Variants in PRKCQ observed in about 807,000 individuals in gnomAD.
PRKCQ encodes the protein protein kinase C theta.
In PRKCQ, 41 loss-of-function variants were observed where a neutral mutation model predicts 91.2. The ratio of observed to expected loss-of-function variants is 0.45; its 90% CI spans 0.35 to 0.58. The LOEUF (loss-of-function observed/expected upper bound fraction) is 0.58. PRKCQ is among the 20% of genes least tolerant of loss of function. The pLI is 0.00. For missense variants in PRKCQ, 673 were observed against 896.5 expected (o/e 0.75, Z 3.18); for synonymous variants, 307 against 316.9 (o/e 0.97, Z 0.33).
chr10:6,509,770 C>T (rs7087802), intron 3 of PRKCQ, among the ~76,000 whole-genome samples: 59,589 of 152,108 alleles, frequency 0.39, 14,108 homozygotes, highest in Admixed American at 0.56. Flanking sequence ...AACTAAATTA[C>T]CTGGACATAT....
At chr10:6,479,950 T>C (rs1209681856) in intron 11 of PRKCQ, among the ~76,000 whole-genome samples, 5 of 151,482 alleles carry the variant, frequency 3.3e-5, no homozygotes, top group Non-Finnish European at 5.9e-5. Flanking sequence ...AGACTGTGTC[T>C]CAAAATAAAA....
At position 6,498,525 on chromosome 10, in the gene PRKCQ, C is replaced by G. The variant is rs138291602; in HGVS notation, c.413G>C (p.Gly138Ala). 783 of 1,614,058 alleles carry G rather than the reference C, an allele frequency of 4.9e-4. 3 individuals carry two copies. Among genetic ancestry groups the G allele is most frequent in the South Asian group, 4.0e-3 (368 of 91,078 alleles). Residue 138 changes from glycine (G) to alanine (A), a missense_variant, in exon 5 of 18, where the codon GGC becomes GCC. Physicochemically the swap from Gly to Ala is moderately conservative, Grantham distance 60. Coordinates refer to ENST00000263125, the MANE Select transcript of PRKCQ (RefSeq NM_006257.5). ...TKDMNEFETE[G>A]FFALHQRRGA... Reference sequence around the variant, plus strand: ...CCGGCGCTGATGCAAAGCAAAGAAGCCTTCCGTCTCAAATTCATTCATGTC... The same window carrying G: ...CCGGCGCTGATGCAAAGCAAAGAAGGCTTCCGTCTCAAATTCATTCATGTC...
the PRKCQ span, among the ~76,000 whole-genome samples, chr10:6,404,836 T>C: frequency 7.0e-6 from 1 of 142,224 alleles, no homozygotes; most frequent in African/African-American, 2.6e-5. Context: ...TCCTTCTTTC[T>C]TTCTTTCTTT....
chr10:6,415,927 A>G, the PRKCQ span, among the ~76,000 whole-genome samples: 1 of 151,806 alleles, frequency 6.6e-6, no homozygotes, highest in East Asian at 1.9e-4. Flanking sequence ...TTGTATTTTT[A>G]GTAGAGATGG....
At chr10:6,574,996 C>A (rs1564402039) in intron 1 of PRKCQ, among the ~76,000 whole-genome samples, 5 of 152,118 alleles carry the variant, frequency 3.3e-5, no homozygotes, top group Admixed American at 1.3e-4. Flanking sequence ...TATTTGTTCA[C>A]AACTTGGTAT....
intron 1 of PRKCQ, among the ~76,000 whole-genome samples, chr10:6,562,418 T>C (rs1017828812): frequency 1.3e-5 from 2 of 152,170 alleles, no homozygotes; most frequent in African/African-American, 4.8e-5. Flanking sequence ...CAGCAGAGAA[T>C]GCCTGGAGAA....
intron 15 of PRKCQ, among the ~76,000 whole-genome samples, chr10:6,445,372 C>A (rs1834226233): frequency 6.6e-6 from 1 of 152,118 alleles, no homozygotes; most frequent in Non-Finnish European, 1.5e-5. Flanking sequence ...TCAACAGCAG[C>A]ACAAGAGTTT....
At chr10:6,525,985 T>G (rs567115413) in intron 1 of PRKCQ, among the ~76,000 whole-genome samples, 3 of 152,336 alleles carry the variant, frequency 2.0e-5, no homozygotes, top group Non-Finnish European at 4.4e-5. Context: ...TGGTATTATT[T>G]TGGGAACTGA....
At chr10:6,454,556 T>C (rs1471588108) in intron 15 of PRKCQ, among the ~76,000 whole-genome samples, 3 of 151,706 alleles carry the variant, frequency 2.0e-5, no homozygotes, top group African/African-American at 4.8e-5. Flanking sequence ...AAGGGGAAAT[T>C]TGTATAATTC....
chr10:6,400,088 G>A, the PRKCQ span, among the ~76,000 whole-genome samples: 10 of 152,226 alleles, frequency 6.6e-5, no homozygotes, highest in Non-Finnish European at 1.3e-4. Flanking sequence ...GAGCAGGAAC[G>A]TGGCCAGATT....
intron 1 of PRKCQ, among the ~76,000 whole-genome samples, chr10:6,539,525 G>A (rs759550134): frequency 6.6e-6 from 1 of 151,982 alleles, no homozygotes; most frequent in Non-Finnish European, 1.5e-5. Flanking sequence ...ATTACCCCCA[G>A]ATGGGACCAT....
chr10:6,440,423 T>A (rs187764366), intron 16 of PRKCQ, among the ~76,000 whole-genome samples: 3 of 152,268 alleles, frequency 2.0e-5, no homozygotes, highest in East Asian at 3.9e-4. Flanking sequence ...CCTAGTAGAG[T>A]GCCTCATTGA....
the PRKCQ span, among the ~76,000 whole-genome samples, chr10:6,411,583 G>A: frequency 2.6e-5 from 4 of 152,306 alleles, no homozygotes; most frequent in Middle Eastern, 3.4e-3. Context: ...CCTTTAGACC[G>A]AACCCTGTTC....
chr10:6,413,514 G>C, the PRKCQ span, among the ~76,000 whole-genome samples: 2 of 138,854 alleles, frequency 1.4e-5, no homozygotes, highest in African/African-American at 5.5e-5. Context: ...ACACTAGGAA[G>C]CACTGGATTA....
rs551273258 is a variant in PRKCQ at position 6,428,996 on chromosome 10, A to T, written c.1966-634T>A. 7.2e-5 allele frequency among the ~76,000 whole-genome samples: 11 copies of T among 152,336 alleles called. No individual in the cohort carries two copies. In the South Asian group the frequency reaches 1.2e-3, roughly 17 times the overall value. ...AACAACAGAGAAAGGGAAAGCAAAC[A>T]TCTATTTCATACATGCTGTTCAGTA... On this transcript the variant is annotated intron_variant, in intron 17 of 17. Coordinates refer to ENST00000263125, the MANE Select transcript of PRKCQ (RefSeq NM_006257.5).
chr10:6,458,334 T>C (rs892712389), intron 14 of PRKCQ, among the ~76,000 whole-genome samples: 1 of 151,976 alleles, frequency 6.6e-6, no homozygotes, highest in Non-Finnish European at 1.5e-5. Context: ...GGAAGACCAG[T>C]GAGGACCCCT....
intron 14 of PRKCQ, 74 bp downstream of exon 14, chr10:6,462,229 T>C: frequency 7.3e-7 from 1 of 1,362,844 alleles, no homozygotes; most frequent in Non-Finnish European, 1.0e-6. Flanking sequence ...CTCACAGCAC[T>C]CGGTGCAATG....
At chr10:6,563,543 C>T (rs1213979248) in intron 1 of PRKCQ, among the ~76,000 whole-genome samples, 1 of 152,182 alleles carries the variant, frequency 6.6e-6, no homozygotes, top group African/African-American at 2.4e-5. Flanking sequence ...TGCTTGTTCG[C>T]GTCTCTTGAC....
intron 1 of PRKCQ, among the ~76,000 whole-genome samples, chr10:6,571,361 A>T (rs151299278): frequency 2.6e-5 from 4 of 152,324 alleles, no homozygotes; most frequent in Admixed American, 6.5e-5. Context: ...ATATTTGTCA[A>T]TGTCAAGCTG....
Sources: gnomAD v4.1 joint callset for allele counts (sites outside exome capture counted in the v4.1 genomes callset) on GRCh38, gnomAD v4.1.1 for gene constraint, MANE v1.5 for transcripts, NCBI Gene and HGNC (gene_info 2026-07-23, HGNC 2026-07-21) for gene names.